The following RP9 variants were observed in gnomAD, a reference collection of about 807,000 sequenced individuals.
RP9 encodes the protein RP9 pre-mRNA splicing factor, also known as retinitis pigmentosa 9 protein.
In RP9, 23 loss-of-function variants were observed where a neutral mutation model predicts 32.6. The ratio of observed to expected loss-of-function variants is 0.71; its 90% CI spans 0.51 to 1.00. RP9 has a LOEUF of 1.00. Ranked by LOEUF, RP9 falls within the 50% of genes least tolerant of loss-of-function variation. RP9 has a pLI of 0.00. For missense variants in RP9, 245 were observed against 285.3 expected (o/e 0.86, Z 1.02); for synonymous variants, 94 against 103.6 (o/e 0.91, Z 0.56).
intron 3 of RP9, chr7:33,099,046 G>T: frequency 1.8e-6 from 1 of 555,306 alleles, no homozygotes; most frequent in South Asian, 2.0e-5. Context: ...TCATTCTGTA[G>T]GTTGGAAATC....
intron 1 of RP9, among the ~76,000 whole-genome samples, chr7:33,106,496 C>T (rs1194055821): frequency 1.3e-5 from 2 of 152,046 alleles, no homozygotes; most frequent in Non-Finnish European, 2.9e-5. Context: ...AATGTTAATA[C>T]TAAGCATTCG....
At chr7:33,105,003 AT>A (rs1237224308) in intron 1 of RP9, among the ~76,000 whole-genome samples, 1 of 152,216 alleles carries the variant, frequency 6.6e-6, no homozygotes, top group African/African-American at 2.4e-5. Flanking sequence ...GCACTCTTTC[AT>A]AGGAAGTTGC....
chr7:33,103,281 T>C (rs1176678166), intron 1 of RP9, among the ~76,000 whole-genome samples: 1 of 152,122 alleles, frequency 6.6e-6, no homozygotes, highest in Non-Finnish European at 1.5e-5. Flanking sequence ...TCAGCAACAC[T>C]GGCAGCCAGG....
intron 3 of RP9, among the ~76,000 whole-genome samples, chr7:33,098,285 G>A (rs1788371330): frequency 6.6e-6 from 1 of 152,184 alleles, no homozygotes; most frequent in African/African-American, 2.4e-5. Flanking sequence ...TATCTCAGAG[G>A]CTGATGTGAG....
chr7:33,101,767 T>C (rs1788428613), intron 1 of RP9, among the ~76,000 whole-genome samples: 1 of 152,188 alleles, frequency 6.6e-6, no homozygotes, highest in Admixed American at 6.5e-5. Context: ...GGTACAGTGT[T>C]TTCCCAAAGT....
intron 1 of RP9, among the ~76,000 whole-genome samples, chr7:33,108,488 T>C (rs1259461959): frequency 1.3e-5 from 2 of 152,204 alleles, no homozygotes; most frequent in African/African-American, 4.8e-5. Context: ...TAAAATAAAG[T>C]ATGACTGCTT....
At chr7:33,107,158 C>T (rs1049590098) in intron 1 of RP9, among the ~76,000 whole-genome samples, 3 of 152,138 alleles carry the variant, frequency 2.0e-5, no homozygotes, top group Non-Finnish European at 4.4e-5. Flanking sequence ...ATTTAAAGCT[C>T]AAACAAGATT....
intron 1 of RP9, among the ~76,000 whole-genome samples, chr7:33,104,464 TAA>T (rs200500069): frequency 1.4e-5 from 2 of 142,430 alleles, no homozygotes; most frequent in African/African-American, 2.6e-5. Context: ...AAATAAAAGT[TAA>T]AAAAAAAAAA....
chr7:33,099,101 T>C (rs752472979), intron 3 of RP9: 6 of 637,200 alleles, frequency 9.4e-6, no homozygotes, highest in African/African-American at 1.8e-5. Flanking sequence ...GAGAGCTTTC[T>C]TCCTGGCTTA....
chr7:33,100,382 A>G (rs1257231813), intron 2 of RP9, 149 bp downstream of exon 2: 2 of 747,188 alleles, frequency 2.7e-6, no homozygotes, highest in African/African-American at 1.8e-5. Context: ...TGACAAAACT[A>G]AAAATTATGA....
chr7:33,096,058 G>A (rs1218147139), intron 5 of RP9, among the ~76,000 whole-genome samples: 7 of 152,096 alleles, frequency 4.6e-5, no homozygotes, highest in Admixed American at 2.0e-4. Context: ...GGTCTCAAAC[G>A]CCTGGACTTC....
intron 5 of RP9, 55 bp downstream of exon 5, chr7:33,096,438 C>T (rs757999122): frequency 1.4e-5 from 18 of 1,322,856 alleles, no homozygotes; most frequent in Non-Finnish European, 2.0e-5. Flanking sequence ...TTTTCTCCAA[C>T]TTTATATAAT....
At position 33,095,271 on chromosome 7, in the gene RP9, T is replaced by C. The variant is rs150987618; in HGVS notation, c.629A>G (p.Lys210Arg). Residue 210 changes from lysine (K) to arginine (R), a missense_variant, in exon 6 of 6, where the codon AAA (lysine) becomes AGA (arginine). Lys to Arg is a conservative substitution (Grantham distance 26). This residue lies in a region of RP9 where 63 missense variants were observed against 109.8 expected (regional missense o/e 0.57). Transcript: ENST00000297157. ...EKKKKKKRKHKSSKSNEGSDS... is the reference protein window; with the variant it reads ...EKKKKKKRKHRSSKSNEGSDS... ...AGAACCCTCATTTGACTTGGAAGATTTGTGCTTCCGTTTTTTCTTCTTTTT... is the reference window on the plus strand; with the variant it reads ...AGAACCCTCATTTGACTTGGAAGATCTGTGCTTCCGTTTTTTCTTCTTTTT... 353,242 of 1,611,264 alleles carry C rather than the reference T, an allele frequency of 0.22. 40,296 individuals carry two copies. Among genetic ancestry groups the C allele is most frequent in the South Asian group, 0.32 (28,772 of 90,758 alleles).
chr7:33,099,394 C>G lies in RP9; in HGVS notation c.226G>C (p.Gly76Arg). 1 of 1,613,360 alleles carries G rather than the reference C, an allele frequency of 6.2e-7. No individual in the cohort carries two copies. Among genetic ancestry groups the G allele is most frequent in the Non-Finnish European group, 8.5e-7 (1 of 1,179,898 alleles). ...KPEDCIPDVPGNEHAREFLAH... is the reference protein window; with the variant it reads ...KPEDCIPDVPRNEHAREFLAH... Reference sequence around the variant, plus strand: ...AGAAATTCCCTGGCGTGTTCATTGCCTGGTACATCTGGTATGCAATCTTCT... The same window carrying G: ...AGAAATTCCCTGGCGTGTTCATTGCGTGGTACATCTGGTATGCAATCTTCT... The change falls in exon 3 of 6, where the codon GGC (glycine) becomes CGC (arginine). Residue 76 changes from glycine (G) to arginine (R), a missense_variant. Coordinates refer to ENST00000297157, the MANE Select transcript of RP9 (RefSeq NM_203288.2).
intron 2 of RP9, among the ~76,000 whole-genome samples, chr7:33,099,971 T>C (rs1788401713): frequency 6.6e-6 from 1 of 152,200 alleles, no homozygotes. Context: ...GAATATTAAA[T>C]TTACAATAGA....
chr7:33,095,935 A>C (rs1156329778), intron 5 of RP9, among the ~76,000 whole-genome samples: 1 of 151,972 alleles, frequency 6.6e-6, no homozygotes, highest in Non-Finnish European at 1.5e-5. Flanking sequence ...GGGGTCAAGT[A>C]GATCCTCCCA....
At chr7:33,106,886 G>A (rs1278259752) in intron 1 of RP9, among the ~76,000 whole-genome samples, 1 of 151,926 alleles carries the variant, frequency 6.6e-6, no homozygotes, top group Non-Finnish European at 1.5e-5. Context: ...GGAGGCTGCA[G>A]TGAGCCAAGA....
At chr7:33,097,200 G>A in intron 4 of RP9, 71 bp downstream of exon 4, 2 of 1,179,142 alleles carry the variant, frequency 1.7e-6, no homozygotes, top group Non-Finnish European at 2.5e-6. Flanking sequence ...CAAGTTCACT[G>A]GTGACTTTCT....
chr7:33,104,772 G>T (rs1047287447), intron 1 of RP9, among the ~76,000 whole-genome samples: 1 of 152,044 alleles, frequency 6.6e-6, no homozygotes, highest in African/African-American at 2.4e-5. Context: ...GTAGAGACAG[G>T]GTCTCACATT....
Sources: allele counts gnomAD v4.1 joint callset (sites outside exome capture counted in the v4.1 genomes callset), GRCh38; gene constraint gnomAD v4.1.1; regional missense constraint gnomAD v4.1.1; transcripts MANE v1.5; gene names NCBI Gene and HGNC (gene_info 2026-07-23, HGNC 2026-07-21).